Variants in ZFYVE28 observed in about 807,000 individuals in gnomAD.
ZFYVE28 encodes zinc finger FYVE-type containing 28, also known as lateral signaling target protein 2 homolog.
A neutral mutation model predicts 82.1 loss-of-function variants in ZFYVE28; 40 were observed. The observed-to-expected ratio is 0.49, with a 90% CI of 0.38 to 0.63. ZFYVE28 has a LOEUF of 0.63. ZFYVE28 is among the 30% of genes least tolerant of loss of function. The probability of loss-of-function intolerance (pLI) is 0.00; values close to 1 mark genes in which losing one functional copy is unlikely to be tolerated. For synonymous variants in ZFYVE28, 612 were observed against 546.1 expected (o/e 1.12, Z -1.68); for missense variants, 1,321 against 1,242.1 (o/e 1.06, Z -0.96).
Position 2,270,821 on chromosome 4 carries a change from C to T in ZFYVE28, c.2568G>A (p.Pro856=), listed in dbSNP as rs751505414. ...GCTTCACCTGCCCGTAGCGGGGCAG[C>T]GGTGCTGAGTGCGAGGAGCAGCGCG... ...FCSRCSSHSA[P]LPRYGQVKPV... is the part of the protein sequence containing the mutation. The change falls in exon 13 of 13, where the codon CCG becomes CCA. Residue 856 remains proline, a synonymous_variant. Coordinates refer to ENST00000290974, the MANE Select transcript of ZFYVE28 (RefSeq NM_020972.3). 8 of 1,613,010 alleles carry T rather than the reference C, an allele frequency of 5.0e-6. No individual in the cohort carries two copies. Among genetic ancestry groups the T allele is most frequent in the South Asian group, 2.2e-5 (2 of 91,086 alleles).
intron 8 of ZFYVE28, among the ~76,000 whole-genome samples, chr4:2,296,628 G>A (rs1714608588): frequency 6.6e-6 from 1 of 152,146 alleles, no homozygotes; most frequent in South Asian, 2.1e-4. Flanking sequence ...GGGACCAATG[G>A]CTGCAGCAGC....
At chr4:2,352,528 A>C (rs1049915579) in intron 2 of ZFYVE28, among the ~76,000 whole-genome samples, 1 of 151,664 alleles carries the variant, frequency 6.6e-6, no homozygotes, top group Non-Finnish European at 1.5e-5. Flanking sequence ...CCCGAATCAG[A>C]TGATGCTGAG....
intron 8 of ZFYVE28, among the ~76,000 whole-genome samples, chr4:2,301,712 T>C (rs1304467088): frequency 6.6e-6 from 1 of 151,362 alleles, no homozygotes; most frequent in African/African-American, 2.4e-5. Context: ...CCAAAAACTC[T>C]CCCACTTATC....
chr4:2,370,689 A>G (rs1481952459), intron 1 of ZFYVE28, among the ~76,000 whole-genome samples: 1 of 152,170 alleles, frequency 6.6e-6, no homozygotes, highest in African/African-American at 2.4e-5. Context: ...GGTGTCTCCC[A>G]TGCCTGCTGC....
chr4:2,355,214 AT>A (rs1560269527), intron 1 of ZFYVE28, among the ~76,000 whole-genome samples: 26 of 2,588 alleles, frequency 0.01, 7 homozygotes, highest in Non-Finnish European at 0.013. Flanking sequence ...ATATATATAT[AT>A]ATATATATAT....
Position 2,417,803 on chromosome 4 carries a change from A to G in ZFYVE28, c.39+482T>C, listed in dbSNP as rs990868927. ...GAAGTGGGGAGAGGGTCTGTTCTGG[A>G]GTGCGGAGGGAGATCTATTCCGGGC... On this transcript the variant is annotated intron_variant, in intron 1 of 12. Transcript: ENST00000290974. This position sits in a 1 kb window ranked among gnomAD's most constrained non-coding sequence, Gnocchi z 4.8. Among the ~76,000 whole-genome samples the G allele has an allele frequency of 7.6e-5, 11 of 144,858 alleles. No individual in the cohort carries two copies. The highest frequency in any genetic ancestry group is 2.6e-4 in the African/African-American group (10 of 38,052).
chr4:2,371,121 A>G (rs1054762498), intron 1 of ZFYVE28, among the ~76,000 whole-genome samples: 1 of 152,028 alleles, frequency 6.6e-6, no homozygotes, highest in African/African-American at 2.4e-5. Context: ...GGAGCTGGAG[A>G]GAAGATGGGG....
At position 2,418,114 on chromosome 4, in the gene ZFYVE28, G is replaced by A. The variant is rs1307745012; in HGVS notation, c.39+171C>T. On this transcript the variant is annotated intron_variant, in intron 1 of 12. Coordinates refer to ENST00000290974, the MANE Select transcript of ZFYVE28 (RefSeq NM_020972.3). This position sits in a 1 kb window ranked among gnomAD's most constrained non-coding sequence, Gnocchi z 4.6. ...GAGGTTCGGATCCGCCTCAGAGACA[G>A]GGCGATGAAGATCTGTCCAAGTCTT... Among the ~76,000 whole-genome samples the A allele has an allele frequency of 6.6e-6, 1 of 152,098 alleles. No homozygotes were observed. Among genetic ancestry groups the A allele is most frequent in the African/African-American group, 2.4e-5 (1 of 41,436 alleles).
chr4:2,337,107 T>C (rs950499179), intron 5 of ZFYVE28, among the ~76,000 whole-genome samples: 7 of 151,626 alleles, frequency 4.6e-5, no homozygotes, highest in African/African-American at 1.7e-4. Flanking sequence ...GCCAGAGCCT[T>C]CCAGCTTTTG....
chr4:2,418,182 C>G lies in ZFYVE28; in HGVS notation c.39+103G>C. 1.8e-6 allele frequency: 2 copies of G among 1,134,070 alleles called. No homozygotes were observed. The highest frequency in any genetic ancestry group is 2.4e-6 in the Non-Finnish European group (2 of 832,418). The allele number at this position is 1,134,070 out of a possible 1,614,324, so 70.3% of individuals were successfully genotyped here. A position where few individuals can be genotyped will look rare whatever the true frequency, so the allele number is the denominator to read the frequency against. Reference sequence around the variant, plus strand: ...GTCGGCGGTGGGGGAAGAGGCCGGCCACGGACAGGGAAAGGGAGTCCGTCT... The same window carrying G: ...GTCGGCGGTGGGGGAAGAGGCCGGCGACGGACAGGGAAAGGGAGTCCGTCT... On this transcript the variant is annotated intron_variant, in intron 1 of 12. Transcript: ENST00000290974. The surrounding 1 kb of genome is among the most constrained non-coding windows in gnomAD (Gnocchi z 4.6).
chr4:2,290,986 T>C (rs946988649), intron 8 of ZFYVE28, among the ~76,000 whole-genome samples: 2 of 152,194 alleles, frequency 1.3e-5, no homozygotes, highest in African/African-American at 4.8e-5. Context: ...AAGCAATACA[T>C]GTGCACCCTA....
rs755797049 is a variant in ZFYVE28 at position 2,274,095 on chromosome 4, C to T, written c.2173G>A (p.Asp725Asn). ...KIRSRFHGSH[D>N]LIHRLFVCIS... is the part of the protein sequence containing the mutation. ...CAGACGAACAGGCGGTGGATGAGGT[C>T]GTGGCTGCCGTGGAACCTGGACCGG... Residue 725 changes from aspartate to asparagine, a missense_variant, in exon 9 of 13, where the codon GAC becomes AAC. Around this residue, in one of 2 missense-constraint regions of ZFYVE28, gnomAD observed 978 missense variants for 833.7 expected, o/e 1.17. Coordinates refer to ENST00000290974, the MANE Select transcript of ZFYVE28 (RefSeq NM_020972.3). 27 of 1,613,550 alleles carry T rather than the reference C, an allele frequency of 1.7e-5. No homozygotes were observed. Among genetic ancestry groups the T allele is most frequent in the Non-Finnish European group, 2.1e-5 (25 of 1,179,622 alleles).
At chr4:2,397,751 T>C (rs753490636) in intron 1 of ZFYVE28, among the ~76,000 whole-genome samples, 1 of 152,192 alleles carries the variant, frequency 6.6e-6, no homozygotes, top group Admixed American at 6.5e-5. Flanking sequence ...TGTCGGAATG[T>C]CCTTCCTTTT....
rs896195228 is a variant in ZFYVE28, at chr4:2,337,568, C to A, written c.522-72G>T. The A allele has an allele frequency of 5.9e-5, 69 of 1,164,994 alleles. 3 individuals carry two copies. Among genetic ancestry groups the A allele is most frequent in the East Asian group, 2.7e-4 (10 of 36,406 alleles). The allele number at this position is 1,164,994 out of a possible 1,614,324, so 72.2% of individuals were successfully genotyped here. A position where few individuals can be genotyped will look rare whatever the true frequency, so the allele number is the denominator to read the frequency against. On this transcript the variant is annotated intron_variant, in intron 4 of 12. Transcript: ENST00000290974. ...GGCCCCTCCAAAACAGAGTGGGGGGCATCTTCAATTAAAGCTGCAATGCTG... is the reference window on the plus strand; with the variant it reads ...GGCCCCTCCAAAACAGAGTGGGGGGAATCTTCAATTAAAGCTGCAATGCTG...
At chr4:2,315,797 G>A (rs939422147) in intron 7 of ZFYVE28, among the ~76,000 whole-genome samples, 4 of 152,094 alleles carry the variant, frequency 2.6e-5, no homozygotes, top group Admixed American at 6.5e-5. Flanking sequence ...CTGAATCTGT[G>A]GCTAGAGATT....
chr4:2,374,152 G>A (rs776411270), intron 1 of ZFYVE28, among the ~76,000 whole-genome samples: 7 of 152,200 alleles, frequency 4.6e-5, no homozygotes, highest in Admixed American at 2.0e-4. Flanking sequence ...CACCATGTCC[G>A]TAGGTGCAGC....
Position 2,320,312 on chromosome 4 carries a change from GC to G in ZFYVE28, c.702-42del. 1 of 1,591,054 alleles carries G rather than the reference GC, an allele frequency of 6.3e-7. No individual in the cohort carries two copies. The highest frequency in any genetic ancestry group is 1.1e-5 in the South Asian group (1 of 90,042). On this transcript the variant is annotated intron_variant, in intron 6 of 12. Coordinates refer to ENST00000290974, the MANE Select transcript of ZFYVE28 (RefSeq NM_020972.3). The surrounding 1 kb of genome is among the most constrained non-coding windows in gnomAD (Gnocchi z 5.1). ...AAAAGCCAGGATGTCAGGCCCTGTG[GC>G]CCCCTGGGTGCCGCGGACGGCCCAA...
intron 1 of ZFYVE28, among the ~76,000 whole-genome samples, chr4:2,390,913 G>A (rs1002714712): frequency 2.0e-5 from 3 of 152,188 alleles, no homozygotes; most frequent in South Asian, 2.1e-4. Context: ...CTGTCTGTTC[G>A]GGGTCCTCCT....
chr4:2,386,728 G>C (rs1481674038), intron 1 of ZFYVE28, among the ~76,000 whole-genome samples: 1 of 152,244 alleles, frequency 6.6e-6, no homozygotes, highest in Non-Finnish European at 1.5e-5. Flanking sequence ...CAGCCTCCAG[G>C]ACTGTAAGAA....
Sources: allele counts gnomAD v4.1 joint callset (sites outside exome capture counted in the v4.1 genomes callset), GRCh38; gene constraint gnomAD v4.1.1; regional missense constraint gnomAD v4.1.1; non-coding constraint Gnocchi (gnomAD v3.1); transcripts MANE v1.5; gene names NCBI Gene and HGNC (gene_info 2026-07-23, HGNC 2026-07-21).